TASOR2: variants seen among roughly 807,000 people sequenced by gnomAD.
TASOR2 encodes protein TASOR 2.
A neutral mutation model predicts 199.5 loss-of-function variants in TASOR2; 84 were observed. The observed-to-expected ratio is 0.42, with a 90% CI of 0.35 to 0.50. The LOEUF (loss-of-function observed/expected upper bound fraction) is 0.50, where lower values mean the gene tolerates loss of function less well. Ranked by LOEUF, TASOR2 falls within the 20% of genes least tolerant of loss-of-function variation. TASOR2 has a pLI of 0.02. For synonymous variants in TASOR2, 1,103 were observed against 1,046.6 expected (o/e 1.05, Z -1.04); for missense variants, 2,796 against 2,835.9 (o/e 0.99, Z 0.32).
At chr10:5,734,893 C>T (rs1310692931) in intron 11 of TASOR2, among the ~76,000 whole-genome samples, 2 of 151,874 alleles carry the variant, frequency 1.3e-5, no homozygotes, top group Non-Finnish European at 2.9e-5. Context: ...AGTGTCTTGC[C>T]ATGTTGCCCA....
intron 16 of TASOR2, 94 bp downstream of exon 17, chr10:5,756,832 A>G: frequency 2.2e-6 from 3 of 1,346,912 alleles, no homozygotes; most frequent in Non-Finnish European, 3.0e-6. Context: ...TGTAGAAGAG[A>G]AGCTAACAGA....
chr10:5,744,293 TTTTTGTTTTGTTTTG>T (rs58184617), intron 14 of TASOR2, among the ~76,000 whole-genome samples: 1 of 150,586 alleles, frequency 6.6e-6, no homozygotes, highest in Non-Finnish European at 1.5e-5. Context: ...TGACTCTGTT[TTTTTGTTTTGTTTTG>T]TTTTGTTTTG....
At position 5,740,490 on chromosome 10, in the gene TASOR2, T is replaced by C; in HGVS notation, c.2320T>C (p.Leu774=). The C allele has an allele frequency of 6.2e-7, 1 of 1,610,348 alleles. No homozygotes were observed. Reference sequence around the variant, plus strand: ...ACTGGAGAAAACTGTAGTAAGAGCATTACATGGGTGAGTATGAGTGAAACT... The same window carrying C: ...ACTGGAGAAAACTGTAGTAAGAGCACTACATGGGTGAGTATGAGTGAAACT... The change falls in exon 13 of 21, where the codon TTA becomes CTA. Residue 774 remains leucine (L), a synonymous_variant. Transcript: ENST00000328090. This position sits in a 1 kb window ranked among gnomAD's most constrained non-coding sequence, Gnocchi z 5.3.
At chr10:5,729,816 TTC>T (rs1272032194) in intron 10 of TASOR2, among the ~76,000 whole-genome samples, 1 of 152,112 alleles carries the variant, frequency 6.6e-6, no homozygotes, top group Non-Finnish European at 1.5e-5. Context: ...ACCAGACCTT[TTC>T]TCTTTTTTTT....
Position 5,746,234 on chromosome 10 carries a change from C to T in TASOR2, c.2813C>T (p.Ser938Leu), listed in dbSNP as rs200256131. The T allele has an allele frequency of 2.2e-4, 352 of 1,609,962 alleles. 1 individual carries two copies. The African/African-American group carries it at 3.6e-3, about 16-fold the overall frequency. ...TTGGAGACTTCTAATCTTGTGCTTT[C>T]GGGTATTGGAAGTACACAAACTAAT... The change falls in exon 15 of 21, where the codon TCG (serine) becomes TTG (leucine). Residue 938 changes from serine (S) to leucine (L), a missense_variant. This residue lies in a region of TASOR2 where 1,941 missense variants were observed against 1,924.9 expected (regional missense o/e 1.01). Coordinates refer to ENST00000328090, the Ensembl canonical transcript of TASOR2.
At chr10:5,749,831 A>G in exon 15 of TASOR2, 2 of 1,614,218 alleles carry the variant, frequency 1.2e-6, no homozygotes, top group Non-Finnish European at 1.7e-6. Flanking sequence ...GAGCTAAATG[A>G]TGTTTCTGGA....
rs901168119 is a variant in TASOR2, at chr10:5,685,600, C to T, written c.-288+425C>T. ...CTACTCGAGACTTCATGGCAATGCG[C>T]CACCTTTTCTTTTTAGGGTAAAACA... On this transcript the variant is annotated intron_variant, in intron 1 of 20. Coordinates refer to ENST00000328090, the Ensembl canonical transcript of TASOR2. This position sits in a 1 kb window ranked among gnomAD's most constrained non-coding sequence, Gnocchi z 5.4. Among the ~76,000 whole-genome samples, 2 of 150,158 alleles carry T rather than the reference C, an allele frequency of 1.3e-5. No homozygotes were observed. Among genetic ancestry groups the T allele is most frequent in the Admixed American group, 6.6e-5 (1 of 15,244 alleles).
At chr10:5,749,576 G>A in exon 15 of TASOR2, 1 of 1,614,058 alleles carries the variant, frequency 6.2e-7, no homozygotes, top group Non-Finnish European at 8.5e-7. Context: ...AGACCACAGG[G>A]GCAGCCCAGG....
intron 1 of TASOR2, among the ~76,000 whole-genome samples, chr10:5,692,297 T>C (rs979790547): frequency 2.0e-5 from 3 of 152,204 alleles, no homozygotes; most frequent in African/African-American, 7.2e-5. Context: ...CGAAGAGTTA[T>C]AATAACTTGA....
chr10:5,721,726 G>A (rs1269110708), intron 6 of TASOR2, among the ~76,000 whole-genome samples: 1 of 152,182 alleles, frequency 6.6e-6, no homozygotes, highest in African/African-American at 2.4e-5. Context: ...CAACCAGTGT[G>A]TGCTAAAAAC....
intron 1 of TASOR2, chr10:5,712,596 C>G: frequency 2.5e-6 from 3 of 1,220,934 alleles, no homozygotes; most frequent in Non-Finnish European, 3.1e-6. Flanking sequence ...AGAGGTAAAC[C>G]CATCATTTTT....
chr10:5,690,663 G>A lies in TASOR2; in HGVS notation c.-288+5488G>A, dbSNP rs138345337. ...TCTTGAAATATAATTGTTTCTGAGA[G>A]GAACTTATTCTCAGGATATTTTTGT... On this transcript the variant is annotated intron_variant, in intron 1 of 20. Transcript: ENST00000328090. The surrounding 1 kb of genome is among the most constrained non-coding windows in gnomAD (Gnocchi z 4.8). 6.6e-6 allele frequency among the ~76,000 whole-genome samples: 1 copy of A among 152,172 alleles called. No individual in the cohort carries two copies. The highest frequency in any genetic ancestry group is 1.5e-5 in the Non-Finnish European group (1 of 68,040).
chr10:5,734,787 T>C (rs1037480663), intron 11 of TASOR2, among the ~76,000 whole-genome samples: 10 of 138,378 alleles, frequency 7.2e-5, no homozygotes, highest in South Asian at 2.4e-4. Flanking sequence ...AGTACAGTGG[T>C]GTGGGCTCCA....
intron 8 of TASOR2, among the ~76,000 whole-genome samples, chr10:5,725,280 A>C (rs1354946454): frequency 6.6e-6 from 1 of 151,442 alleles, no homozygotes; most frequent in Non-Finnish European, 1.5e-5. Flanking sequence ...AGTCCCAGCT[A>C]CTTGGGAGGC....
chr10:5,756,565 C>G, intron 15 of TASOR2, 48 bp from the exon 17 acceptor site: 3 of 1,597,572 alleles, frequency 1.9e-6, no homozygotes, highest in Non-Finnish European at 2.6e-6. Context: ...ACAGGTAGTT[C>G]TGTGGAAGTA....
In TASOR2 at chr10:5,690,449, G is replaced by A. The variant is rs111784338; in HGVS notation, c.-288+5274G>A. Among the ~76,000 whole-genome samples, 902 of 152,340 alleles carry A rather than the reference G, an allele frequency of 5.9e-3. 10 individuals are homozygous for A. Among genetic ancestry groups the A allele is most frequent in the African/African-American group, 0.021 (861 of 41,574 alleles). On this transcript the variant is annotated intron_variant, in intron 1 of 20. Coordinates refer to ENST00000328090, the Ensembl canonical transcript of TASOR2. This position sits in a 1 kb window ranked among gnomAD's most constrained non-coding sequence, Gnocchi z 4.8. The stretch of plus-strand genomic sequence containing the variant: ...GAGAAGGAATATTCAAGATCCCAAT[G>A]CCTGAGGTTTGTCCAGTTGGGGCAC...
At chr10:5,733,700 C>T (rs1835163025) in intron 11 of TASOR2, among the ~76,000 whole-genome samples, 2 of 152,174 alleles carry the variant, frequency 1.3e-5, no homozygotes, top group Admixed American at 6.5e-5. Context: ...TCTGTTTGTA[C>T]AAATATTAGA....
chr10:5,733,815 T>C (rs1365081241), intron 11 of TASOR2, among the ~76,000 whole-genome samples: 3 of 152,312 alleles, frequency 2.0e-5, no homozygotes, highest in African/African-American at 7.2e-5. Context: ...CTGAAGATTT[T>C]AGAAAATGTA....
chr10:5,756,418 A>G (rs1838954606), intron 15 of TASOR2, among the ~76,000 whole-genome samples, 195 bp from the exon 17 acceptor site: 1 of 152,216 alleles, frequency 6.6e-6, no homozygotes, highest in Non-Finnish European at 1.5e-5. Flanking sequence ...CTTTGAAATC[A>G]ACTTCTAAGT....
Sources: allele counts gnomAD v4.1 joint callset (sites outside exome capture counted in the v4.1 genomes callset), GRCh38; gene constraint gnomAD v4.1.1; regional missense constraint gnomAD v4.1.1; non-coding constraint Gnocchi (gnomAD v3.1); transcripts MANE v1.5; gene names NCBI Gene and HGNC (gene_info 2026-07-23, HGNC 2026-07-21).